Variants in IER3IP1 observed in about 807,000 individuals in gnomAD.
IER3IP1 encodes immediate early response 3-interacting protein 1.
In IER3IP1, 16 loss-of-function variants were observed where a neutral mutation model predicts 12.2. The ratio of observed to expected loss-of-function variants is 1.31; its 90% CI spans 0.89 to 1.99. IER3IP1 has a LOEUF of 1.99. Among genes scored for constraint, IER3IP1 ranks in the 30% most tolerant of loss-of-function variants. The pLI is 0.00. For synonymous variants in IER3IP1, 42 were observed against 40.0 expected (o/e 1.05, Z -0.19); for missense variants, 95 against 95.8 (o/e 0.99, Z 0.03).
intron 1 of IER3IP1, among the ~76,000 whole-genome samples, chr18:47,161,065 C>G (rs2063978552): frequency 6.6e-6 from 1 of 152,130 alleles, no homozygotes; most frequent in Non-Finnish European, 1.5e-5. Flanking sequence ...CCACTTTTTC[C>G]TATCTCATAT....
Position 47,157,561 on chromosome 18 carries a change from T to C in IER3IP1, c.92-24A>G, listed in dbSNP as rs769774327. ...AACTGTATAATGTAAAGATTAGCTG[T>C]GTTAAAAGTTATTACACACTTGCCT... On this transcript the variant is annotated intron_variant, in intron 1 of 2. Transcript: ENST00000256433. 8.1e-6 allele frequency: 13 copies of C among 1,602,040 alleles called. No homozygotes were observed. In the Admixed American group the frequency reaches 2.0e-4, roughly 25 times the overall value.
intron 1 of IER3IP1, among the ~76,000 whole-genome samples, chr18:47,162,809 A>G (rs908724785): frequency 3.9e-5 from 6 of 152,152 alleles, no homozygotes; most frequent in African/African-American, 1.4e-4. Context: ...TAAAAGGTAC[A>G]ATGTCTTCAA....
rs758209602 is a variant in IER3IP1, at chr18:47,176,245, T to G, written c.33A>C (p.Ala11=). 41 of 1,609,496 alleles carry G rather than the reference T, an allele frequency of 2.5e-5. No homozygotes were observed. The highest frequency in any genetic ancestry group is 3.3e-5 in the South Asian group (3 of 90,216). MAFTLYSLLQ[A]ALLCVNAIAV... ...CGATGGCGTTGACGCAGAGCAGGGCTGCCTGCAGCAGTGAGTACAGGGTAA... is the reference window on the plus strand; with the variant it reads ...CGATGGCGTTGACGCAGAGCAGGGCGGCCTGCAGCAGTGAGTACAGGGTAA... The change falls in exon 1 of 3, where the codon GCA becomes GCC. Residue 11 remains alanine (A), a synonymous_variant. Coordinates refer to ENST00000256433, the MANE Select transcript of IER3IP1 (RefSeq NM_016097.5).
chr18:47,165,155 A>G (rs2063992219), intron 1 of IER3IP1, among the ~76,000 whole-genome samples: 1 of 152,238 alleles, frequency 6.6e-6, no homozygotes, highest in South Asian at 2.1e-4. Flanking sequence ...TGTCAATGTT[A>G]CCAAGTTTAC....
At chr18:47,171,044 G>A (rs2064013785) in intron 1 of IER3IP1, among the ~76,000 whole-genome samples, 1 of 151,400 alleles carries the variant, frequency 6.6e-6, no homozygotes, top group African/African-American at 2.4e-5. Flanking sequence ...GATTAAGAAA[G>A]TTCCCTCCTA....
chr18:47,168,970 A>C (rs1265492920), intron 1 of IER3IP1, among the ~76,000 whole-genome samples: 3 of 152,224 alleles, frequency 2.0e-5, no homozygotes, highest in Non-Finnish European at 4.4e-5. Context: ...CATATAATTA[A>C]ATGGTTTGAA....
chr18:47,170,835 GTTTTA>G (rs2064013098), intron 1 of IER3IP1, among the ~76,000 whole-genome samples: 1 of 151,914 alleles, frequency 6.6e-6, no homozygotes, highest in Admixed American at 6.5e-5. Flanking sequence ...TATAAACACA[GTTTTA>G]TTTTTTCAAC....
At chr18:47,165,411 G>C (rs1313641729) in intron 1 of IER3IP1, among the ~76,000 whole-genome samples, 1 of 152,002 alleles carries the variant, frequency 6.6e-6, no homozygotes, top group East Asian at 1.9e-4. Flanking sequence ...AAATTATCTG[G>C]GCGTGGTAGC....
At chr18:47,158,622 C>T (rs1302326372) in intron 1 of IER3IP1, among the ~76,000 whole-genome samples, 6 of 151,884 alleles carry the variant, frequency 4.0e-5, no homozygotes, top group African/African-American at 7.3e-5. Context: ...CATGAGTCAC[C>T]GCACCCAGCC....
At chr18:47,158,514 G>A (rs1360720715) in intron 1 of IER3IP1, among the ~76,000 whole-genome samples, 1 of 151,550 alleles carries the variant, frequency 6.6e-6, no homozygotes, top group Non-Finnish European at 1.5e-5. Flanking sequence ...GCTAATTTTT[G>A]TATTTTTAGT....
chr18:47,176,326 G>A lies in IER3IP1; in HGVS notation c.-49C>T, dbSNP rs769294186. 6 of 1,504,678 alleles carry A rather than the reference G, an allele frequency of 4.0e-6. No individual in the cohort carries two copies. Among genetic ancestry groups the A allele is most frequent in the African/African-American group, 1.4e-5 (1 of 72,698 alleles). 93.2% of individuals were successfully genotyped at this position (1,504,678 alleles called of 1,614,324 possible). On this transcript the variant is annotated 5_prime_UTR_variant, in exon 1 of 3. Transcript: ENST00000256433. ...TCCAAGCGATTTCTCTCCCGCCGCCGCAAGGGACGTGGCGCCTCCACGGCC... is the reference window on the plus strand; with the variant it reads ...TCCAAGCGATTTCTCTCCCGCCGCCACAAGGGACGTGGCGCCTCCACGGCC...
chr18:47,156,980 G>A lies in IER3IP1; in HGVS notation c.193+456C>T, dbSNP rs970190272. On this transcript the variant is annotated intron_variant, in intron 2 of 2. Coordinates refer to ENST00000256433, the MANE Select transcript of IER3IP1 (RefSeq NM_016097.5). ...CTAATTTTGTATTTTTAGTAGAGAC[G>A]GGGTTTCACCCATGTTGGCCAGGCT... The A allele has an allele frequency of 4.0e-5, 7 of 173,474 alleles. No homozygotes were observed. The South Asian group carries it at 4.2e-4, about 10-fold the overall frequency. 10.7% of individuals were successfully genotyped at this position (173,474 alleles called of 1,614,324 possible). A position where few individuals can be genotyped will look rare whatever the true frequency, so the allele number is the denominator to read the frequency against.
At position 47,155,638 on chromosome 18, in the gene IER3IP1, A is replaced by G. The variant is rs2063955865; in HGVS notation, c.*539T>C. ...AGAATATTAATACTCAATAGTATGT[A>G]TAAATTTGAATTTATAGCTGAGACA... is the stretch of plus-strand genomic sequence containing the variant. On this transcript the variant is annotated 3_prime_UTR_variant, in exon 3 of 3. Transcript: ENST00000256433. 1 of 152,560 alleles carries G rather than the reference A, an allele frequency of 6.6e-6. No homozygotes were observed. The highest frequency in any genetic ancestry group is 1.5e-5 in the Non-Finnish European group (1 of 68,300). 9.5% of individuals were successfully genotyped at this position (152,560 alleles called of 1,614,324 possible).
chr18:47,173,167 A>G lies in IER3IP1; in HGVS notation c.91+3020T>C, dbSNP rs1212312266. ...AAATCTCAAACTGAGCATGACTAAA[A>G]TTTATTTCATTATATCTTCACCTTC... On this transcript the variant is annotated intron_variant, in intron 1 of 2. Coordinates refer to ENST00000256433, the MANE Select transcript of IER3IP1 (RefSeq NM_016097.5). Among the ~76,000 whole-genome samples, 4 of 152,236 alleles carry G rather than the reference A, an allele frequency of 2.6e-5. No homozygotes were observed. The East Asian group carries it at 7.7e-4, about 29-fold the overall frequency.
chr18:47,168,321 CAA>C (rs201267745), intron 1 of IER3IP1, among the ~76,000 whole-genome samples: 1 of 133,164 alleles, frequency 7.5e-6, no homozygotes, highest in East Asian at 2.1e-4. Context: ...AAAAAAAAGA[CAA>C]AAAAAATCCC....
intron 1 of IER3IP1, among the ~76,000 whole-genome samples, chr18:47,171,054 A>G (rs1269426913): frequency 6.7e-6 from 1 of 148,348 alleles, no homozygotes; most frequent in East Asian, 1.9e-4. Flanking sequence ...GTTCCCTCCT[A>G]TTGTTAGTTT....
intron 1 of IER3IP1, among the ~76,000 whole-genome samples, chr18:47,161,163 A>G (rs140167453): frequency 6.6e-6 from 1 of 152,318 alleles, no homozygotes; most frequent in East Asian, 1.9e-4. Context: ...GAAAGACTCA[A>G]ATATCAGGAA....
intron 1 of IER3IP1, among the ~76,000 whole-genome samples, chr18:47,161,398 T>C (rs950245407): frequency 6.6e-6 from 1 of 152,200 alleles, no homozygotes; most frequent in Admixed American, 6.5e-5. Context: ...TGAATTCCCA[T>C]AGTACAACTA....
chr18:47,174,709 C>T (rs2064026228), intron 1 of IER3IP1, among the ~76,000 whole-genome samples: 1 of 151,812 alleles, frequency 6.6e-6, no homozygotes, highest in South Asian at 2.1e-4. Context: ...CCACTGCTTT[C>T]CCTTCCAATC....
Sources: gnomAD v4.1 joint callset for allele counts (sites outside exome capture counted in the v4.1 genomes callset) on GRCh38, gnomAD v4.1.1 for gene constraint, MANE v1.5 for transcripts, NCBI Gene and HGNC (gene_info 2026-07-23, HGNC 2026-07-21) for gene names.